The following SEC11C variants were observed in gnomAD, a reference collection of about 807,000 sequenced individuals.
The protein encoded by SEC11C is SEC11 homolog C, signal peptidase complex subunit.
In SEC11C, 10 loss-of-function variants were observed where a neutral mutation model predicts 21.9. That is an observed-to-expected ratio of 0.46 (90% CI 0.28 to 0.77). The LOEUF (loss-of-function observed/expected upper bound fraction) is 0.77, where lower values mean the gene tolerates loss of function less well. Among genes scored for constraint, SEC11C ranks in the 30% least tolerant of loss-of-function variants. The probability of loss-of-function intolerance (pLI) is 0.12; values close to 1 mark genes in which losing one functional copy is unlikely to be tolerated. For synonymous variants in SEC11C, 83 were observed against 85.6 expected (o/e 0.97, Z 0.17); for missense variants, 145 against 244.5 (o/e 0.59, Z 2.71).
chr18:59,158,413 G>A (rs1234211805), intron 5 of SEC11C, among the ~76,000 whole-genome samples: 1 of 152,180 alleles, frequency 6.6e-6, no homozygotes, highest in African/African-American at 2.4e-5. Context: ...CATTTGCTGT[G>A]TTTGTTCATT....
chr18:59,158,819 G>A lies in SEC11C; in HGVS notation c.*134G>A, dbSNP rs2069448837. 4.2e-6 allele frequency: 3 copies of A among 722,612 alleles called. No individual in the cohort carries two copies. Among genetic ancestry groups the A allele is most frequent in the Admixed American group, 2.6e-5 (1 of 37,990 alleles). The allele number at this position is 722,612 out of a possible 1,614,324, so 44.8% of individuals were successfully genotyped here. A position where few individuals can be genotyped will look rare whatever the true frequency, so the allele number is the denominator to read the frequency against. ...ATGTTTTTGTCTTGTCCAAATAAAA[G>A]ATTCACCAGTAAAGATGGTTTTCTT... On this transcript the variant is annotated 3_prime_UTR_variant, in exon 6 of 6. Coordinates refer to ENST00000587834, the MANE Select transcript of SEC11C (RefSeq NM_033280.4).
In SEC11C at chr18:59,149,644, C is replaced by G. The variant is rs752074513; in HGVS notation, c.197+22C>G. 35 of 1,525,842 alleles carry G rather than the reference C, an allele frequency of 2.3e-5. No individual in the cohort carries two copies. In the Admixed American group the frequency reaches 4.2e-4, roughly 18 times the overall value. The allele number at this position is 1,525,842 out of a possible 1,614,324, so 94.5% of individuals were successfully genotyped here. A position where few individuals can be genotyped will look rare whatever the true frequency, so the allele number is the denominator to read the frequency against. On this transcript the variant is annotated intron_variant, in intron 2 of 5. Coordinates refer to ENST00000587834, the MANE Select transcript of SEC11C (RefSeq NM_033280.4). ...TGAGGTAGGTCCCCCAGGCTGGCCTCCAGCCTCCAACCTCCATCACAAGGC... is the reference window on the plus strand; with the variant it reads ...TGAGGTAGGTCCCCCAGGCTGGCCTGCAGCCTCCAACCTCCATCACAAGGC...
At chr18:59,155,949 G>T in intron 4 of SEC11C, 142 bp downstream of exon 4, 3 of 935,116 alleles carry the variant, frequency 3.2e-6, no homozygotes, top group Non-Finnish European at 4.7e-6. Flanking sequence ...ATCCTGTGAA[G>T]ACTAAATACA....
chr18:59,145,723 C>T (rs984808340), intron 1 of SEC11C, among the ~76,000 whole-genome samples: 1 of 152,218 alleles, frequency 6.6e-6, no homozygotes, highest in African/African-American at 2.4e-5. Flanking sequence ...CCAGTACAGT[C>T]AAGCACCATA....
intron 1 of SEC11C, among the ~76,000 whole-genome samples, chr18:59,141,128 T>C (rs983899045): frequency 4.8e-5 from 7 of 146,484 alleles, no homozygotes; most frequent in African/African-American, 1.8e-4. Context: ...CTTACTCCTT[T>C]AGGCATACGT....
intron 2 of SEC11C, among the ~76,000 whole-genome samples, chr18:59,151,350 A>G (rs2069351041): frequency 6.7e-6 from 1 of 149,554 alleles, no homozygotes. Context: ...TGAAACAATT[A>G]TGTTTTATTT....
intron 1 of SEC11C, among the ~76,000 whole-genome samples, chr18:59,146,220 A>G (rs1017855139): frequency 3.3e-5 from 5 of 152,214 alleles, no homozygotes; most frequent in African/African-American, 1.2e-4. Context: ...GAAAGCCAGA[A>G]TGTATAGAAT....
rs140738519 is a variant in SEC11C, at chr18:59,151,898, T to G, written c.198-638T>G. On this transcript the variant is annotated intron_variant, in intron 2 of 5. Transcript: ENST00000587834. ...ATTTACTTTGAATCCGCCAAAGATT[T>G]TGGCACAGGTTTAAATCGGTATCAT... Among the ~76,000 whole-genome samples the G allele has an allele frequency of 1.1e-3, 172 of 152,378 alleles. 2 individuals carry two copies. The Middle Eastern group carries it at 0.014, about 12-fold the overall frequency.
rs1178241958 is a variant in SEC11C, at chr18:59,139,896, G to A, written c.-53G>A. ...GGCGGGGGCCGGCAGGTGCTCCGCAGCCGTCTGTGCCACCCAGAGCCGGCG... is the reference window on the plus strand; with the variant it reads ...GGCGGGGGCCGGCAGGTGCTCCGCAACCGTCTGTGCCACCCAGAGCCGGCG... On this transcript the variant is annotated 5_prime_UTR_variant, in exon 1 of 6. Coordinates refer to ENST00000587834, the MANE Select transcript of SEC11C (RefSeq NM_033280.4). The A allele has an allele frequency of 3.0e-6, 4 of 1,349,724 alleles. No homozygotes were observed. Among genetic ancestry groups the A allele is most frequent in the Non-Finnish European group, 2.9e-6 (3 of 1,022,428 alleles). 83.6% of individuals were successfully genotyped at this position (1,349,724 alleles called of 1,614,324 possible). A position where few individuals can be genotyped will look rare whatever the true frequency, so the allele number is the denominator to read the frequency against.
intron 2 of SEC11C, among the ~76,000 whole-genome samples, chr18:59,151,534 C>T (rs17835556): frequency 0.041 from 6,315 of 152,226 alleles, 334 homozygotes; most frequent in East Asian, 0.21. Flanking sequence ...TTCACTTAAA[C>T]GTAAACCTAT....
chr18:59,151,755 T>C (rs1049337830), intron 2 of SEC11C, among the ~76,000 whole-genome samples: 4 of 152,232 alleles, frequency 2.6e-5, no homozygotes, highest in Admixed American at 1.3e-4. Flanking sequence ...TTACTCATCC[T>C]TGGTTGCACA....
chr18:59,151,237 AACATCTTCCC>A (rs2069348898), intron 2 of SEC11C, among the ~76,000 whole-genome samples: 1 of 152,058 alleles, frequency 6.6e-6, no homozygotes, highest in Non-Finnish European at 1.5e-5. Flanking sequence ...CTTTTCTATC[AACATCTTCCC>A]ACTGTATCTT....
In SEC11C at chr18:59,155,599, C is replaced by CT; in HGVS notation, c.348-88dup. ...TGACTGTTTTTCTAAATGCTCCTGT[C>CT]TGACAGTAAAGTCTTGAGTAAACTA... On this transcript the variant is annotated intron_variant, in intron 3 of 5. Transcript: ENST00000587834. The CT allele has an allele frequency of 2.2e-6, 3 of 1,391,636 alleles. No homozygotes were observed. In the East Asian group the frequency reaches 7.1e-5, roughly 33 times the overall value. The allele number at this position is 1,391,636 out of a possible 1,614,324, so 86.2% of individuals were successfully genotyped here. A position where few individuals can be genotyped will look rare whatever the true frequency, so the allele number is the denominator to read the frequency against.
intron 5 of SEC11C, 43 bp downstream of exon 5, chr18:59,157,708 A>G (rs1203311565): frequency 1.4e-6 from 2 of 1,380,194 alleles, no homozygotes; most frequent in Admixed American, 1.7e-5. Flanking sequence ...TTCGTTAAAT[A>G]TTGGAGCTTT....
chr18:59,157,499 T>C, intron 4 of SEC11C, 109 bp from the exon 5 acceptor site: 1 of 796,548 alleles, frequency 1.3e-6, no homozygotes, highest in Admixed American at 2.0e-5. Context: ...GTCAGTGGCA[T>C]TCCCTCGTAC....
At chr18:59,153,944 T>C (rs2069389360) in intron 3 of SEC11C, among the ~76,000 whole-genome samples, 1 of 152,140 alleles carries the variant, frequency 6.6e-6, no homozygotes, top group Admixed American at 6.6e-5. Flanking sequence ...TGACCTCAGG[T>C]GATCCATCCG....
intron 5 of SEC11C, 67 bp downstream of exon 5, chr18:59,157,732 G>A: frequency 1.8e-6 from 2 of 1,082,100 alleles, no homozygotes; most frequent in South Asian, 1.3e-5. Flanking sequence ...TTCTGCAACT[G>A]TAAACAGGCA....
chr18:59,157,319 A>C, intron 4 of SEC11C: 1 of 276,810 alleles, frequency 3.6e-6, no homozygotes, highest in Non-Finnish European at 6.7e-6. Flanking sequence ...AAAGTTGCCT[A>C]TTCTTTTTGT....
At chr18:59,141,493 A>C (rs771974384) in intron 1 of SEC11C, among the ~76,000 whole-genome samples, 8 of 152,166 alleles carry the variant, frequency 5.3e-5, no homozygotes, top group Admixed American at 3.9e-4. Flanking sequence ...AGGCCCTCTG[A>C]TGAGTGTATT....
Sources: gnomAD v4.1 joint callset for allele counts (sites outside exome capture counted in the v4.1 genomes callset) on GRCh38, gnomAD v4.1.1 for gene constraint, MANE v1.5 for transcripts, NCBI Gene and HGNC (gene_info 2026-07-23, HGNC 2026-07-21) for gene names.